Variants in PCCA observed in about 807,000 individuals in gnomAD.
The protein encoded by PCCA is propionyl-CoA carboxylase subunit alpha, also known as propionyl-CoA carboxylase alpha chain, mitochondrial.
In PCCA, 74 loss-of-function variants were observed where a neutral mutation model predicts 101.3. The ratio of observed to expected loss-of-function variants is 0.73; its 90% CI spans 0.61 to 0.89. PCCA has a LOEUF of 0.89. PCCA is among the 40% of genes least tolerant of loss of function. The probability of loss-of-function intolerance (pLI) is 0.00; values close to 1 mark genes in which losing one functional copy is unlikely to be tolerated. For synonymous variants in PCCA, 294 were observed against 313.6 expected (o/e 0.94, Z 0.66); for missense variants, 891 against 907.0 (o/e 0.98, Z 0.23).
intron 9 of PCCA, among the ~76,000 whole-genome samples, chr13:100,260,452 A>G (rs904067948): frequency 8.1e-5 from 12 of 148,642 alleles, no homozygotes; most frequent in African/African-American, 3.0e-4. Flanking sequence ...GCTGGAGTGC[A>G]GTGGTGCGAT....
chr13:100,171,008 G>T (rs1421871647), intron 6 of PCCA, among the ~76,000 whole-genome samples: 1 of 152,138 alleles, frequency 6.6e-6, no homozygotes, highest in East Asian at 1.9e-4. Context: ...AGTTTTTCCT[G>T]CTCTCATTCT....
intron 4 of PCCA, among the ~76,000 whole-genome samples, chr13:100,133,936 C>G (rs764999765): frequency 2.6e-5 from 4 of 152,230 alleles, no homozygotes; most frequent in Non-Finnish European, 4.4e-5. Context: ...GTTCTTCAGC[C>G]TTTGGACTCT....
chr13:100,217,084 G>C (rs1306827721), intron 7 of PCCA, among the ~76,000 whole-genome samples: 3 of 151,822 alleles, frequency 2.0e-5, no homozygotes, highest in Non-Finnish European at 4.4e-5. Context: ...ACTCCAGCCT[G>C]GGCAACAAGA....
chr13:100,334,356 C>T (rs1339440200), intron 17 of PCCA, among the ~76,000 whole-genome samples: 2 of 152,150 alleles, frequency 1.3e-5, no homozygotes, highest in African/African-American at 4.8e-5. Context: ...CTCCTTCCCC[C>T]ACACCCCAGT....
chr13:100,347,024 C>G (rs1448498246), intron 18 of PCCA, among the ~76,000 whole-genome samples: 1 of 152,136 alleles, frequency 6.6e-6, no homozygotes, highest in Non-Finnish European at 1.5e-5. Flanking sequence ...CAGGCACATG[C>G]CACCACACCC....
At chr13:100,106,324 C>T (rs1465770300) in intron 2 of PCCA, among the ~76,000 whole-genome samples, 1 of 152,094 alleles carries the variant, frequency 6.6e-6, no homozygotes, top group African/African-American at 2.4e-5. Context: ...AGTGAAGTTA[C>T]AGAAATAGCT....
At chr13:100,281,867 G>A (rs1193368538) in intron 12 of PCCA, among the ~76,000 whole-genome samples, 1 of 152,152 alleles carries the variant, frequency 6.6e-6, no homozygotes, top group African/African-American at 2.4e-5. Context: ...AATTATGAGT[G>A]ACCCTTTATA....
Position 100,516,364 on chromosome 13 carries a change from T to G in PCCA, c.2040+797T>G, listed in dbSNP as rs560415686. 3.3e-5 allele frequency among the ~76,000 whole-genome samples: 5 copies of G among 152,368 alleles called. No homozygotes were observed. In the East Asian group the frequency reaches 9.6e-4, roughly 29 times the overall value. On this transcript the variant is annotated intron_variant, in intron 22 of 23. Coordinates refer to ENST00000376285, the MANE Select transcript of PCCA (RefSeq NM_000282.4). ...TCTCAGGTCACTGGGACTTACATTT[T>G]AGTGCCTCCTGATTTCTCAATAGTA...
chr13:100,496,624 C>T (rs2085298607), intron 21 of PCCA, among the ~76,000 whole-genome samples: 1 of 152,158 alleles, frequency 6.6e-6, no homozygotes, highest in Non-Finnish European at 1.5e-5. Flanking sequence ...CCTTTCTCCA[C>T]TCTGAAGTTA....
At chr13:100,100,365 C>G (rs2047164390) in intron 1 of PCCA, among the ~76,000 whole-genome samples, 1 of 151,698 alleles carries the variant, frequency 6.6e-6, no homozygotes, top group Non-Finnish European at 1.5e-5. Flanking sequence ...CACACGCTGA[C>G]CTCTCTCATT....
chr13:100,374,391 AATT>A (rs1370125761), intron 19 of PCCA, among the ~76,000 whole-genome samples: 1 of 152,118 alleles, frequency 6.6e-6, no homozygotes, highest in Non-Finnish European at 1.5e-5. Flanking sequence ...TTTTTATTAT[AATT>A]ATTTTCATGA....
intron 1 of PCCA, among the ~76,000 whole-genome samples, chr13:100,093,029 A>G (rs527502949): frequency 2.6e-4 from 39 of 152,370 alleles, no homozygotes; most frequent in Middle Eastern, 6.8e-3. Flanking sequence ...AGAGGAAAAG[A>G]TGTGACATTT....
In PCCA at chr13:100,423,675, G is replaced by A. The variant is rs372688401; in HGVS notation, c.1747-1958G>A. Among the ~76,000 whole-genome samples the A allele has an allele frequency of 8.8e-4, 134 of 152,294 alleles. 4 individuals carry two copies. In the South Asian group the frequency reaches 0.025, roughly 28 times the overall value. On this transcript the variant is annotated intron_variant, in intron 19 of 23. Transcript: ENST00000376285. ...CTTTGTCAGAGGCCCTCTACCTTTA[G>A]TAGTGGATGGTGGGAAGAAAAATTT... is the stretch of plus-strand genomic sequence containing the variant.
At chr13:100,377,829 A>G (rs1404891879) in intron 19 of PCCA, among the ~76,000 whole-genome samples, 1 of 151,958 alleles carries the variant, frequency 6.6e-6, no homozygotes, top group African/African-American at 2.4e-5. Flanking sequence ...CATTTAATCC[A>G]TTTACATTCA....
intron 20 of PCCA, among the ~76,000 whole-genome samples, chr13:100,427,416 C>A (rs1168511896): frequency 1.3e-5 from 2 of 152,166 alleles, no homozygotes; most frequent in Non-Finnish European, 2.9e-5. Flanking sequence ...CTTTCATCAT[C>A]CTTTTCAGTG....
intron 20 of PCCA, among the ~76,000 whole-genome samples, chr13:100,436,104 C>T (rs978757576): frequency 2.6e-5 from 4 of 151,986 alleles, no homozygotes; most frequent in East Asian, 1.9e-4. Flanking sequence ...AGTGTGGGAG[C>T]GAGCCTGAGC....
chr13:100,209,559 TACAC>T (rs34598548), intron 7 of PCCA, 96 bp downstream of exon 7: 48 of 798,164 alleles, frequency 6.0e-5, no homozygotes, highest in Admixed American at 7.5e-5. Context: ...TTTTGGGATA[TACAC>T]ACACACACAC....
intron 20 of PCCA, among the ~76,000 whole-genome samples, chr13:100,433,001 A>G (rs766460484): frequency 2.0e-5 from 3 of 152,208 alleles, no homozygotes; most frequent in Non-Finnish European, 2.9e-5. Flanking sequence ...ATAATATTCC[A>G]TTGTGTGAAT....
chr13:100,192,213 A>G (rs919789028), intron 6 of PCCA, among the ~76,000 whole-genome samples: 15 of 152,212 alleles, frequency 9.9e-5, no homozygotes, highest in African/African-American at 3.6e-4. Flanking sequence ...TCTTTGCTTT[A>G]GTTCAATTGC....
Sources: allele counts gnomAD v4.1 joint callset (sites outside exome capture counted in the v4.1 genomes callset), GRCh38; gene constraint gnomAD v4.1.1; transcripts MANE v1.5; gene names NCBI Gene and HGNC (gene_info 2026-07-23, HGNC 2026-07-21).